Variants in ABCC4 observed in about 807,000 individuals in gnomAD.
ABCC4 encodes ATP binding cassette subfamily C member 4 (PEL blood group).
ABCC4 carries 102 observed loss-of-function variants against 168.5 expected under a neutral mutation model. That is an observed-to-expected ratio of 0.61 (90% CI 0.52 to 0.71). ABCC4 has a LOEUF of 0.71. Ranked by LOEUF, ABCC4 falls within the 30% of genes least tolerant of loss-of-function variation. The pLI, the probability that ABCC4 is intolerant of heterozygous loss-of-function variation, is 0.00. For missense variants in ABCC4, 1,402 were observed against 1,605.8 expected, an observed-to-expected ratio of 0.87 and a Z score of 2.17; for synonymous variants, 617 against 590.7, an observed-to-expected ratio of 1.04 and a Z score of -0.65.
At chr13:95,066,396 T>A (rs1252630356) in intron 25 of ABCC4, among the ~76,000 whole-genome samples, 1 of 151,734 alleles carries the variant, frequency 6.6e-6, no homozygotes. Context: ...CTACTTTGTT[T>A]CTTCTACTAG....
chr13:95,140,230 G>T (rs2036275355), intron 19 of ABCC4, among the ~76,000 whole-genome samples: 1 of 152,138 alleles, frequency 6.6e-6, no homozygotes, highest in Non-Finnish European at 1.5e-5. Flanking sequence ...CAACTCTGGG[G>T]ACTATCCCCA....
chr13:95,116,099 T>C, intron 19 of ABCC4, 98 bp from the exon 20 acceptor site: 1 of 812,030 alleles, frequency 1.2e-6, no homozygotes, highest in Admixed American at 2.8e-5. Flanking sequence ...TAAATGCATA[T>C]GTATTTAATA....
chr13:95,193,378 C>T (rs979262951), intron 9 of ABCC4, among the ~76,000 whole-genome samples: 27 of 152,312 alleles, frequency 1.8e-4, no homozygotes, highest in Admixed American at 7.8e-4. Context: ...AAGAGACCCT[C>T]GCCCTCTGCT....
At chr13:95,263,029 T>A (rs949672723) in intron 1 of ABCC4, among the ~76,000 whole-genome samples, 1 of 152,168 alleles carries the variant, frequency 6.6e-6, no homozygotes, top group Non-Finnish European at 1.5e-5. Context: ...TGGGGACTTT[T>A]GTGGGTGACT....
chr13:95,041,638 C>T (rs1035837525), intron 29 of ABCC4, among the ~76,000 whole-genome samples: 1 of 151,848 alleles, frequency 6.6e-6, no homozygotes, highest in Admixed American at 6.6e-5. Flanking sequence ...CAGAACAGAA[C>T]ATGTGTTTTC....
chr13:95,121,487 AGCCTTGACCTCCCTGG>A (rs2035570362), intron 19 of ABCC4, among the ~76,000 whole-genome samples: 1 of 146,206 alleles, frequency 6.8e-6, no homozygotes, highest in Non-Finnish European at 1.5e-5. Context: ...GGCTCACTGG[AGCCTTGACCTCCCTGG>A]GCTCAACTGA....
chr13:95,131,597 C>T (rs2035966320), intron 19 of ABCC4, among the ~76,000 whole-genome samples: 1 of 152,158 alleles, frequency 6.6e-6, no homozygotes, highest in Non-Finnish European at 1.5e-5. Flanking sequence ...CCACTGCACT[C>T]CTGCCTGGGC....
At chr13:95,041,407 A>G (rs901654092) in intron 29 of ABCC4, among the ~76,000 whole-genome samples, 4 of 152,384 alleles carry the variant, frequency 2.6e-5, no homozygotes, top group South Asian at 2.1e-4. Context: ...AAACAAAACT[A>G]TATCTATCCG....
intron 20 of ABCC4, among the ~76,000 whole-genome samples, chr13:95,097,132 G>A (rs993190739): frequency 2.0e-5 from 3 of 151,908 alleles, no homozygotes; most frequent in Admixed American, 6.6e-5. Flanking sequence ...AAAATAGATT[G>A]CAATAAACTT....
intron 19 of ABCC4, among the ~76,000 whole-genome samples, chr13:95,134,917 G>A (rs1371802889): frequency 6.6e-6 from 1 of 152,070 alleles, no homozygotes; most frequent in Non-Finnish European, 1.5e-5. Context: ...ATCTGATTAA[G>A]TCTGAACTTG....
intron 20 of ABCC4, among the ~76,000 whole-genome samples, chr13:95,104,869 G>C (rs1168926072): frequency 6.6e-6 from 1 of 152,180 alleles, no homozygotes; most frequent in Non-Finnish European, 1.5e-5. Context: ...AAACAAACAA[G>C]TGGATTAGAA....
At chr13:95,290,699 C>A (rs2041375205) in intron 1 of ABCC4, among the ~76,000 whole-genome samples, 2 of 71,658 alleles carry the variant, frequency 2.8e-5, no homozygotes, top group Admixed American at 2.4e-4. Context: ...GAGCAAAACT[C>A]TGTCTCAAAA....
At position 95,020,419 on chromosome 13, in the gene ABCC4, TA is replaced by T. The variant is rs2031026228; in HGVS notation, c.*1155del. The T allele has an allele frequency of 6.6e-6, 1 of 152,378 alleles. No homozygotes were observed. The highest frequency in any genetic ancestry group is 6.6e-5 in the Admixed American group (1 of 15,266). 9.4% of individuals were successfully genotyped at this position (152,378 alleles called of 1,614,324 possible). ...TACAGCCACCATCATCAGGAAAAAT[TA>T]AAGACTCATAGTTCAAATAAAGTAC... On this transcript the variant is annotated 3_prime_UTR_variant, in exon 31 of 31. Coordinates refer to ENST00000645237, the MANE Select transcript of ABCC4 (RefSeq NM_005845.5).
At chr13:95,182,496 C>G (rs1403906476) in intron 11 of ABCC4, among the ~76,000 whole-genome samples, 3 of 152,080 alleles carry the variant, frequency 2.0e-5, no homozygotes, top group African/African-American at 7.2e-5. Flanking sequence ...ATATAAATAT[C>G]AATTCAAATA....
intron 4 of ABCC4, among the ~76,000 whole-genome samples, chr13:95,221,239 A>AT (rs966338881): frequency 1.3e-5 from 2 of 151,900 alleles, no homozygotes; most frequent in African/African-American, 4.8e-5. Context: ...TGTGACAGAT[A>AT]TTTTTTTGAG....
intron 30 of ABCC4, among the ~76,000 whole-genome samples, chr13:95,029,951 C>A (rs2031785268): frequency 6.6e-6 from 1 of 151,876 alleles, no homozygotes; most frequent in Admixed American, 6.6e-5. Flanking sequence ...AGGCCCCAGG[C>A]TCCTAGGATC....
intron 9 of ABCC4, among the ~76,000 whole-genome samples, chr13:95,192,586 T>C (rs2038289454): frequency 1.3e-5 from 2 of 152,198 alleles, no homozygotes; most frequent in African/African-American, 4.8e-5. Flanking sequence ...GAGTGCTTTT[T>C]TCTAGTGGGA....
At chr13:95,248,259 A>G (rs1566567220) in intron 1 of ABCC4, among the ~76,000 whole-genome samples, 1 of 152,212 alleles carries the variant, frequency 6.6e-6, no homozygotes, top group African/African-American at 2.4e-5. Flanking sequence ...CCCACTGAAT[A>G]ACAAAAGAAT....
intron 1 of ABCC4, among the ~76,000 whole-genome samples, chr13:95,290,098 A>G (rs2041354245): frequency 7.1e-6 from 1 of 141,832 alleles, no homozygotes; most frequent in Non-Finnish European, 1.5e-5. Flanking sequence ...CTCTGTCTCA[A>G]AAAAAATAGA....
Sources: gnomAD v4.1 joint callset for allele counts (sites outside exome capture counted in the v4.1 genomes callset) on GRCh38, gnomAD v4.1.1 for gene constraint, MANE v1.5 for transcripts, NCBI Gene and HGNC (gene_info 2026-07-23, HGNC 2026-07-21) for gene names.